DGKI: variants seen among roughly 807,000 people sequenced by gnomAD.
DGKI encodes the protein DAG kinase iota.
DGKI carries 55 observed loss-of-function variants against 147.5 expected under a neutral mutation model. The ratio of observed to expected loss-of-function variants is 0.37; its 90% CI spans 0.30 to 0.47. The LOEUF (loss-of-function observed/expected upper bound fraction) is 0.47. DGKI is among the 20% of genes least tolerant of loss of function. The pLI, the probability that DGKI is intolerant of heterozygous loss-of-function variation, is 1.00. For missense variants in DGKI, 1,007 were observed against 1,323.8 expected (o/e 0.76, Z 3.71); for synonymous variants, 469 against 477.1 (o/e 0.98, Z 0.22).
At chr7:137,486,701 G>A (rs2141316) in intron 22 of DGKI, among the ~76,000 whole-genome samples, 1 of 152,040 alleles carries the variant, frequency 6.6e-6, no homozygotes, top group African/African-American at 2.4e-5. Flanking sequence ...TCTACCAAGA[G>A]AAACAGAATC....
intron 31 of DGKI, among the ~76,000 whole-genome samples, chr7:137,396,258 G>T (rs1421638317): frequency 6.6e-6 from 1 of 152,156 alleles, no homozygotes; most frequent in Non-Finnish European, 1.5e-5. Flanking sequence ...GTGGAAGGAG[G>T]GGGCAGCCAT....
At chr7:137,799,277 T>C (rs924814081) in intron 1 of DGKI, among the ~76,000 whole-genome samples, 61 of 152,158 alleles carry the variant, frequency 4.0e-4, no homozygotes, top group African/African-American at 1.3e-3. Flanking sequence ...ATTTGCATAA[T>C]TCCACTTATT....
intron 10 of DGKI, among the ~76,000 whole-genome samples, chr7:137,606,313 A>T (rs145057806): frequency 0.013 from 1,948 of 151,544 alleles, 38 homozygotes; most frequent in African/African-American, 0.042. Context: ...AAAATTTTTT[A>T]AAAAAAAAGA....
At chr7:137,570,131 A>T (rs1563090727) in intron 19 of DGKI, among the ~76,000 whole-genome samples, 1 of 152,186 alleles carries the variant, frequency 6.6e-6, no homozygotes, top group Non-Finnish European at 1.5e-5. Context: ...TCTTTTATGC[A>T]TAAGGTACAG....
intron 27 of DGKI, among the ~76,000 whole-genome samples, chr7:137,448,917 G>A (rs1813839253): frequency 1.3e-5 from 2 of 151,740 alleles, no homozygotes; most frequent in African/African-American, 4.8e-5. Context: ...ACCGCACTAG[G>A]AAAAAAGATT....
chr7:137,718,834 GC>G (rs1794463041), intron 1 of DGKI, among the ~76,000 whole-genome samples: 1 of 152,164 alleles, frequency 6.6e-6, no homozygotes, highest in Admixed American at 6.5e-5. Context: ...ATTAAAGGCT[GC>G]CTGCCATTAG....
chr7:137,749,097 C>T (rs928419578), intron 1 of DGKI, among the ~76,000 whole-genome samples: 4 of 152,182 alleles, frequency 2.6e-5, no homozygotes, highest in Non-Finnish European at 5.9e-5. Flanking sequence ...TGATCAGCAA[C>T]TATTTATAAA....
At chr7:137,478,372 G>A (rs1212357901) in intron 23 of DGKI, among the ~76,000 whole-genome samples, 4 of 152,102 alleles carry the variant, frequency 2.6e-5, no homozygotes, top group Non-Finnish European at 4.4e-5. Context: ...GGTTTCTTCC[G>A]TACGCAGGGT....
At chr7:137,490,156 C>T (rs1455975098) in intron 21 of DGKI, among the ~76,000 whole-genome samples, 2 of 152,144 alleles carry the variant, frequency 1.3e-5, no homozygotes, top group African/African-American at 4.8e-5. Context: ...AACACGATTA[C>T]CAACAACTGT....
At chr7:137,391,652 A>C (rs963362017) in intron 32 of DGKI, among the ~76,000 whole-genome samples, 9 of 152,158 alleles carry the variant, frequency 5.9e-5, no homozygotes, top group Non-Finnish European at 1.3e-4. Context: ...TACAGAAGGA[A>C]ACAGTGGGGT....
At chr7:137,610,445 T>C (rs1437602299) in intron 8 of DGKI, among the ~76,000 whole-genome samples, 1 of 152,244 alleles carries the variant, frequency 6.6e-6, no homozygotes, top group Admixed American at 6.5e-5. Flanking sequence ...TTGATACAGA[T>C]GTTTTGAGAA....
chr7:137,783,894 G>T (rs1271358393), intron 1 of DGKI, among the ~76,000 whole-genome samples: 2 of 152,162 alleles, frequency 1.3e-5, no homozygotes, highest in East Asian at 3.8e-4. Flanking sequence ...ATAAATGAGG[G>T]ATAGATACAG....
rs1373711338 is a variant in DGKI, at chr7:137,387,786, A to T, written c.*3434T>A. ...AAAGCATGTGCCATTTTTATAATTTAAAAAAACCCCTAAATATTATTAATA... is the reference window on the plus strand; with the variant it reads ...AAAGCATGTGCCATTTTTATAATTTTAAAAAACCCCTAAATATTATTAATA... On this transcript the variant is annotated 3_prime_UTR_variant, in exon 33 of 33. Transcript: ENST00000614521. The T allele has an allele frequency of 6.6e-6, 1 of 152,194 alleles. No individual in the cohort carries two copies. Among genetic ancestry groups the T allele is most frequent in the Non-Finnish European group, 1.5e-5 (1 of 68,034 alleles). 9.4% of individuals were successfully genotyped at this position (152,194 alleles called of 1,614,324 possible). A position where few individuals can be genotyped will look rare whatever the true frequency, so the allele number is the denominator to read the frequency against.
chr7:137,735,786 G>A (rs1795004295), intron 1 of DGKI, among the ~76,000 whole-genome samples: 2 of 152,200 alleles, frequency 1.3e-5, no homozygotes, highest in South Asian at 4.1e-4. Flanking sequence ...GATTAGGATA[G>A]ACCAGAGCAG....
rs558953876 is a variant in DGKI at position 137,687,487 on chromosome 7, C to T, written c.510+2407G>A. Reference sequence around the variant, plus strand: ...GACTGTTTTTGCACCTTAAACAGAACAAAGAAATCCCTGGCTGGCTCCTTG... The same window carrying T: ...GACTGTTTTTGCACCTTAAACAGAATAAAGAAATCCCTGGCTGGCTCCTTG... On this transcript the variant is annotated intron_variant, in intron 2 of 32. Coordinates refer to ENST00000614521, the MANE Select transcript of DGKI (RefSeq NM_001321708.2). Among the ~76,000 whole-genome samples, 28 of 152,194 alleles carry T rather than the reference C, an allele frequency of 1.8e-4. No homozygotes were observed. In the South Asian group the frequency reaches 3.5e-3, roughly 19 times the overall value.
In DGKI at chr7:137,384,817, T is replaced by C. The variant is rs985546458; in HGVS notation, c.*6403A>G. 16 of 152,130 alleles carry C rather than the reference T, an allele frequency of 1.1e-4. No homozygotes were observed. The highest frequency in any genetic ancestry group is 5.8e-4 in the East Asian group (3 of 5,198). 9.4% of individuals were successfully genotyped at this position (152,130 alleles called of 1,614,324 possible). A position where few individuals can be genotyped will look rare whatever the true frequency, so the allele number is the denominator to read the frequency against. On this transcript the variant is annotated 3_prime_UTR_variant, in exon 33 of 33. Coordinates refer to ENST00000614521, the MANE Select transcript of DGKI (RefSeq NM_001321708.2). ...GGTCTGAGGGAAAAGATAATTTCAG[T>C]ATTTCCCACTATCAAAGCCTCCCAT...
intron 1 of DGKI, among the ~76,000 whole-genome samples, chr7:137,787,122 G>C (rs1400925215): frequency 6.6e-6 from 1 of 152,024 alleles, no homozygotes; most frequent in African/African-American, 2.4e-5. Context: ...AAGATAAATA[G>C]ATAGCACTTA....
chr7:137,479,757 T>C (rs1033198778), intron 23 of DGKI, among the ~76,000 whole-genome samples: 2 of 152,150 alleles, frequency 1.3e-5, no homozygotes, highest in Admixed American at 6.5e-5. Context: ...GGCCAATCAA[T>C]AATCACCTTA....
chr7:137,411,575 GAC>G (rs1812164910), intron 29 of DGKI, among the ~76,000 whole-genome samples: 1 of 151,928 alleles, frequency 6.6e-6, no homozygotes, highest in Admixed American at 6.6e-5. Context: ...AAATCACACA[GAC>G]AGTGAATGGT....
Sources: gnomAD v4.1 joint callset for allele counts (sites outside exome capture counted in the v4.1 genomes callset) on GRCh38, gnomAD v4.1.1 for gene constraint, MANE v1.5 for transcripts, NCBI Gene and HGNC (gene_info 2026-07-23, HGNC 2026-07-21) for gene names.